VPS33A: variants seen among roughly 807,000 people sequenced by gnomAD.
VPS33A encodes VPS33A core subunit of CORVET and HOPS complexes, also known as vacuolar protein sorting-associated protein 33A.
In VPS33A, 32 loss-of-function variants were observed where a neutral mutation model predicts 71.8. The observed-to-expected ratio is 0.45, with a 90% CI of 0.34 to 0.60. The LOEUF (loss-of-function observed/expected upper bound fraction) is 0.60. VPS33A is among the 20% of genes least tolerant of loss of function. The pLI, the probability that VPS33A is intolerant of heterozygous loss-of-function variation, is 0.02. For missense variants in VPS33A, 625 were observed against 748.5 expected, an observed-to-expected ratio of 0.84 and a Z score of 1.92; for synonymous variants, 311 against 292.7, an observed-to-expected ratio of 1.06 and a Z score of -0.64.
At position 122,235,875 on chromosome 12, in the gene VPS33A, C is replaced by T. The variant is rs747093853; in HGVS notation, c.1351G>A (p.Gly451Ser). The change falls in exon 11 of 13, where the codon GGC becomes AGC. Residue 451 changes from glycine to serine, a missense_variant. Coordinates refer to ENST00000267199, the MANE Select transcript of VPS33A (RefSeq NM_022916.6). ...CCCCCCGTCTGCGGTTTCAGCAGGC[C>T]GGCCTTCTCCAGGTTGTGTAAGGTC... ...ILTLHNLEKA[G>S]LLKPQTGGRN... 1.4e-5 allele frequency: 22 copies of T among 1,613,622 alleles called. No homozygotes were observed. Among genetic ancestry groups the T allele is most frequent in the Admixed American group, 1.2e-4 (7 of 59,946 alleles).
In VPS33A at chr12:122,266,320, C is replaced by G. The variant is rs2136157588; in HGVS notation, c.89G>C (p.Cys30Ser). 1.9e-6 allele frequency: 3 copies of G among 1,612,588 alleles called. No homozygotes were observed. In the East Asian group the frequency reaches 6.7e-5, roughly 36 times the overall value. Residue 30 changes from cysteine (C) to serine (S), a missense_variant, in exon 1 of 13, where the codon TGC becomes TCC. By Grantham distance (112) the Cys-to-Ser change is moderately radical. Transcript: ENST00000267199. ...CCCGCCCCTCACCTTGCTTCCTGCG[C>G]ACTTGTCCAGGAACTCGCGCAGCTC... ...RRELREFLDK[C>S]AGSKAIVWDE...
intron 4 of VPS33A, among the ~76,000 whole-genome samples, chr12:122,260,906 C>A (rs1202446403): frequency 1.3e-5 from 2 of 152,132 alleles, no homozygotes; most frequent in East Asian, 3.9e-4. Flanking sequence ...ACCCAAGAGG[C>A]GGAGGCTGCA....
rs2136137541 is a variant in VPS33A, at chr12:122,249,791, T to C, written c.775+80A>G. On this transcript the variant is annotated intron_variant, in intron 6 of 12. Transcript: ENST00000267199. ...TCTGACTTTAAATTATGCTTAAGTG[T>C]GCAATATACAAACAGTAGCCTCCAC... The C allele has an allele frequency of 3.0e-6, 4 of 1,314,020 alleles. No homozygotes were observed. In the South Asian group the frequency reaches 5.9e-5, roughly 19 times the overall value. The allele number at this position is 1,314,020 out of a possible 1,614,324, so 81.4% of individuals were successfully genotyped here.
In VPS33A at chr12:122,242,470, C is replaced by A. The variant is rs1219433779; in HGVS notation, c.1008G>T (p.Gln336His). Residue 336 changes from glutamine (Q) to histidine (H), a missense_variant, in exon 8 of 13, where the codon CAG becomes CAT. Gln to His is a conservative substitution (Grantham distance 24). Coordinates refer to ENST00000267199, the MANE Select transcript of VPS33A (RefSeq NM_022916.6). ...HNAKTVGEIK[Q>H]FVSQLPHMQA... ...GCATGTGGGGCAACTGGGAAACAAACTGCTTGATCTCCCCCACGGTCTTAG... is the reference window on the plus strand; with the variant it reads ...GCATGTGGGGCAACTGGGAAACAAAATGCTTGATCTCCCCCACGGTCTTAG... The A allele has an allele frequency of 6.2e-7, 1 of 1,614,036 alleles. No homozygotes were observed. The highest frequency in any genetic ancestry group is 1.3e-5 in the African/African-American group (1 of 74,928).
Position 122,266,368 on chromosome 12 carries a change from A to C in VPS33A, c.41T>G (p.Val14Gly), listed in dbSNP as rs772844039. 5 of 1,613,198 alleles carry C rather than the reference A, an allele frequency of 3.1e-6. No individual in the cohort carries two copies. The highest frequency in any genetic ancestry group is 1.1e-5 in the South Asian group (1 of 91,058). ...HLSYGRVNLNVLREAVRRELR... is the reference protein window; with the variant it reads ...HLSYGRVNLNGLREAVRRELR... ...CTCGCGACGCACCGCCTCGCGCAAC[A>C]CGTTTAGGTTCACTCGGCCGTAGGA... The change falls in exon 1 of 13, where the codon GTG becomes GGG. Residue 14 changes from valine to glycine, a missense_variant. Transcript: ENST00000267199.
At chr12:122,263,509 C>A in intron 3 of VPS33A, 63 bp downstream of exon 3, 2 of 1,495,284 alleles carry the variant, frequency 1.3e-6, no homozygotes, top group South Asian at 1.4e-5. Flanking sequence ...TGAGAAGGAG[C>A]TCATAAATTA....
intron 4 of VPS33A, among the ~76,000 whole-genome samples, chr12:122,256,197 A>G (rs192777109): frequency 1.1e-4 from 17 of 151,052 alleles, no homozygotes; most frequent in Admixed American, 1.1e-3. Flanking sequence ...CACAATGGGG[A>G]AAAAAAGATT....
Position 122,249,948 on chromosome 12 carries a change from T to A in VPS33A, c.698A>T (p.Asn233Ile). ...GGCAAGAGGTGTTAATAAATCCACA[T>A]TCCGATCAAGCAACAAGAGATTATC... ...VFDNLLLLDR[N>I]VDLLTPLATQ... The change falls in exon 6 of 13, where the codon AAT becomes ATT. Residue 233 changes from asparagine to isoleucine, a missense_variant. Transcript: ENST00000267199. 2.5e-6 allele frequency: 4 copies of A among 1,614,146 alleles called. No individual in the cohort carries two copies. Among genetic ancestry groups the A allele is most frequent in the Non-Finnish European group, 3.4e-6 (4 of 1,180,008 alleles).
intron 4 of VPS33A, among the ~76,000 whole-genome samples, chr12:122,252,184 G>A (rs1370788967): frequency 6.6e-6 from 1 of 152,096 alleles, no homozygotes; most frequent in Non-Finnish European, 1.5e-5. Flanking sequence ...CGGAGCCCAG[G>A]GATTTGAGGC....
chr12:122,238,755 A>G lies in VPS33A; in HGVS notation c.1165-31T>C, dbSNP rs776066503. 52 of 1,568,448 alleles carry G rather than the reference A, an allele frequency of 3.3e-5. No individual in the cohort carries two copies. In the Middle Eastern group the frequency reaches 6.7e-4, roughly 20 times the overall value. ...AATAAAGTAGCATACATATACATAT[A>G]CATTTACATATACATACACACACAC... On this transcript the variant is annotated intron_variant, in intron 9 of 12. Coordinates refer to ENST00000267199, the MANE Select transcript of VPS33A (RefSeq NM_022916.6).
chr12:122,263,746 C>A, intron 2 of VPS33A, 47 bp from the exon 3 acceptor site: 1 of 1,518,380 alleles, frequency 6.6e-7, no homozygotes, highest in South Asian at 1.3e-5. Flanking sequence ...CTGAAATTTA[C>A]CTATAATTTT....
intron 4 of VPS33A, among the ~76,000 whole-genome samples, chr12:122,254,379 C>G (rs1349090795): frequency 6.7e-6 from 1 of 149,568 alleles, no homozygotes; most frequent in Non-Finnish European, 1.5e-5. Context: ...GCCACTTCCT[C>G]TAACTCCCCC....
In VPS33A at chr12:122,262,441, AC is replaced by A. The variant is rs756521227; in HGVS notation, c.297-995del. ...GAGTCTTAAATTAAAATGAAAGATC[AC>A]TTTTGACTCCCACTCCTACTCTCCT... On this transcript the variant is annotated intron_variant, in intron 3 of 12. Coordinates refer to ENST00000267199, the MANE Select transcript of VPS33A (RefSeq NM_022916.6). Among the ~76,000 whole-genome samples the A allele has an allele frequency of 7.2e-5, 11 of 152,190 alleles. No individual in the cohort carries two copies. In the East Asian group the frequency reaches 9.6e-4, roughly 13 times the overall value.
At chr12:122,239,772 A>AAAAAAAAAAAAAAC in intron 9 of VPS33A, 106 bp downstream of exon 9, 1 of 581,314 alleles carries the variant, frequency 1.7e-6, no homozygotes, top group Non-Finnish European at 2.7e-6. Flanking sequence ...AAAAAAAAAA[A>AAAAAAAAAAAAAAC]AAAAAAAGGC....
At position 122,231,004 on chromosome 12, in the gene VPS33A, T is replaced by G. The variant is rs947138685; in HGVS notation, c.*1242A>C. ...AGCTGAGTACGGAGTGGCCACAGAC[T>G]GCTAGAAAAGTACACGTGGCAGTTA... On this transcript the variant is annotated 3_prime_UTR_variant, in exon 13 of 13. Transcript: ENST00000267199. 4 of 152,298 alleles carry G rather than the reference T, an allele frequency of 2.6e-5. No homozygotes were observed. Among genetic ancestry groups the G allele is most frequent in the East Asian group, 3.9e-4 (2 of 5,190 alleles). 9.4% of individuals were successfully genotyped at this position (152,298 alleles called of 1,614,324 possible).
intron 4 of VPS33A, among the ~76,000 whole-genome samples, chr12:122,253,906 C>T (rs575250774): frequency 2.6e-5 from 4 of 152,096 alleles, no homozygotes; most frequent in Non-Finnish European, 4.4e-5. Context: ...ACCACGTTGC[C>T]GAGGCTGGTC....
intron 6 of VPS33A, among the ~76,000 whole-genome samples, chr12:122,245,829 C>G (rs1193022570): frequency 6.6e-6 from 1 of 152,166 alleles, no homozygotes; most frequent in Non-Finnish European, 1.5e-5. Context: ...TTTCACATGA[C>G]AATGACAGAG....
At chr12:122,253,186 A>G (rs1287758943) in intron 4 of VPS33A, 1 of 152,240 alleles carries the variant, frequency 6.6e-6, no homozygotes, top group Non-Finnish European at 1.5e-5. Flanking sequence ...ATGGCAGACC[A>G]TCGAGAATAT....
intron 11 of VPS33A, among the ~76,000 whole-genome samples, chr12:122,233,444 T>C (rs1187941722): frequency 6.6e-6 from 1 of 152,144 alleles, no homozygotes; most frequent in African/African-American, 2.4e-5. Context: ...CAGGCTGGTC[T>C]TGAATTTCTG....
Sources: allele counts gnomAD v4.1 joint callset (sites outside exome capture counted in the v4.1 genomes callset), GRCh38; gene constraint gnomAD v4.1.1; transcripts MANE v1.5; gene names NCBI Gene and HGNC (gene_info 2026-07-23, HGNC 2026-07-21).